Variants in DPP10 observed in about 807,000 individuals in gnomAD.
DPP10 encodes the protein inactive dipeptidyl peptidase 10.
A neutral mutation model predicts 120.9 loss-of-function variants in DPP10; 33 were observed. The ratio of observed to expected loss-of-function variants is 0.27; its 90% CI spans 0.21 to 0.37. The LOEUF (loss-of-function observed/expected upper bound fraction) is 0.37. Ranked by LOEUF, DPP10 falls within the 10% of genes least tolerant of loss-of-function variation. DPP10 has a pLI of 1.00. For synonymous variants in DPP10, 337 were observed against 326.1 expected (o/e 1.03, Z -0.36); for missense variants, 816 against 942.8 (o/e 0.87, Z 1.76).
chr2:115,735,280 T>C lies in DPP10; in HGVS notation c.698-4459T>C, dbSNP rs142829487. Among the ~76,000 whole-genome samples the C allele has an allele frequency of 1.2e-4, 18 of 152,316 alleles. No individual in the cohort carries two copies. The East Asian group carries it at 2.9e-3, about 24-fold the overall frequency. On this transcript the variant is annotated intron_variant, in intron 8 of 25. Transcript: ENST00000410059. ...TTGCAGGATGGTATTAGTCCTGTTA[T>C]ATATCTGAAATCTGTAAACATAGCC...
chr2:115,773,635 A>G lies in DPP10; in HGVS notation c.1222-3573A>G, dbSNP rs1394570220. Among the ~76,000 whole-genome samples, 3 of 152,112 alleles carry G rather than the reference A, an allele frequency of 2.0e-5. No individual in the cohort carries two copies. In the East Asian group the frequency reaches 5.8e-4, roughly 29 times the overall value. ...TTGCAGAGATTATGGATTCACAGAA[A>G]CAAAGAAATGTTATTGTAGAGAAAA... On this transcript the variant is annotated intron_variant, in intron 13 of 25. Coordinates refer to ENST00000410059, the MANE Select transcript of DPP10 (RefSeq NM_020868.6).
chr2:115,836,080 T>C, intron 21 of DPP10, 77 bp from the exon 22 acceptor site: 1 of 747,474 alleles, frequency 1.3e-6, no homozygotes. Context: ...AGTTGTTATA[T>C]ATAAATTTGT....
At chr2:114,596,228 C>T (rs1490539862) in intron 1 of DPP10, among the ~76,000 whole-genome samples, 1 of 151,970 alleles carries the variant, frequency 6.6e-6, no homozygotes, top group African/African-American at 2.4e-5. Flanking sequence ...TCATTGGGCC[C>T]ATTTACATGA....
At chr2:115,563,799 C>T (rs2080833289) in intron 5 of DPP10, among the ~76,000 whole-genome samples, 1 of 152,088 alleles carries the variant, frequency 6.6e-6, no homozygotes, top group Non-Finnish European at 1.5e-5. Context: ...AAATATCAAA[C>T]ACTTATATAG....
intron 1 of DPP10, chr2:114,461,844 C>CT (rs1434523441): frequency 1.0e-6 from 1 of 985,302 alleles, no homozygotes; most frequent in Non-Finnish European, 1.2e-6. Flanking sequence ...TATCTTCAAC[C>CT]TTTAGCTATA....
intron 1 of DPP10, among the ~76,000 whole-genome samples, chr2:114,461,226 T>C (rs557447946): frequency 6.6e-6 from 1 of 152,302 alleles, no homozygotes; most frequent in Admixed American, 6.5e-5. Context: ...GCAGGTGAGA[T>C]CTTGTGAAGT....
chr2:115,801,747 G>A (rs778632858), intron 19 of DPP10, among the ~76,000 whole-genome samples: 8 of 152,016 alleles, frequency 5.3e-5, no homozygotes, highest in South Asian at 2.1e-4. Flanking sequence ...ATTGATTTTC[G>A]TATGTTGAAC....
At chr2:114,635,010 A>G (rs1020728102) in intron 1 of DPP10, among the ~76,000 whole-genome samples, 2 of 151,966 alleles carry the variant, frequency 1.3e-5, no homozygotes, top group African/African-American at 4.9e-5. Flanking sequence ...TTTTCAAAAT[A>G]GAAGTTTCAA....
chr2:114,646,565 G>A (rs1030874441), intron 1 of DPP10, among the ~76,000 whole-genome samples: 1 of 152,120 alleles, frequency 6.6e-6, no homozygotes, highest in Non-Finnish European at 1.5e-5. Context: ...CTCTGTTCTC[G>A]AGATGACAGT....
At chr2:115,241,786 T>C (rs2058294099) in intron 1 of DPP10, among the ~76,000 whole-genome samples, 1 of 152,248 alleles carries the variant, frequency 6.6e-6, no homozygotes, top group Non-Finnish European at 1.5e-5. Context: ...CTTTGCTAAT[T>C]GTTTTACTTT....
At chr2:115,832,423 G>C (rs775359934) in intron 21 of DPP10, among the ~76,000 whole-genome samples, 9 of 152,346 alleles carry the variant, frequency 5.9e-5, no homozygotes, top group South Asian at 2.1e-4. Context: ...CTGGGAGGCA[G>C]CGGTTGCGAT....
In DPP10 at chr2:115,033,187, A is replaced by T. The variant is rs374921102; in HGVS notation, c.61-276052A>T. On this transcript the variant is annotated intron_variant, in intron 1 of 25. Transcript: ENST00000410059. ...TGGCAGACTTGACACTGAGGCCAAC[A>T]GAGGCTAAGTAATGACTTGGTTCAT... Among the ~76,000 whole-genome samples, 208 of 152,320 alleles carry T rather than the reference A, an allele frequency of 1.4e-3. 8 individuals are homozygous for T. In the South Asian group the frequency reaches 0.042, roughly 31 times the overall value.
chr2:114,563,669 C>T (rs1026616166), intron 1 of DPP10, among the ~76,000 whole-genome samples: 53 of 152,332 alleles, frequency 3.5e-4, no homozygotes, highest in African/African-American at 1.2e-3. Flanking sequence ...ACTCTTACTG[C>T]ATTGCTTCCT....
intron 3 of DPP10, among the ~76,000 whole-genome samples, chr2:115,447,034 A>G (rs145636734): frequency 2.0e-5 from 3 of 152,330 alleles, no homozygotes; most frequent in African/African-American, 2.4e-5. Flanking sequence ...ACTCAACACC[A>G]ACCCATGAGA....
intron 1 of DPP10, among the ~76,000 whole-genome samples, chr2:115,058,283 A>C (rs1706103900): frequency 3.9e-5 from 1 of 25,554 alleles, no homozygotes; most frequent in African/African-American, 1.5e-4. Flanking sequence ...GGACAAAAAA[A>C]AAAAAAAAAA....
chr2:115,091,257 C>T (rs1305162124), intron 1 of DPP10, among the ~76,000 whole-genome samples: 1 of 152,210 alleles, frequency 6.6e-6, no homozygotes. Context: ...TTGTCTGGCT[C>T]CCTTCATCCC....
At chr2:114,457,594 T>C (rs1434898353) in intron 1 of DPP10, among the ~76,000 whole-genome samples, 1 of 152,144 alleles carries the variant, frequency 6.6e-6, no homozygotes, top group Non-Finnish European at 1.5e-5. Context: ...GCAGCATTTG[T>C]CAATCAGGAT....
intron 1 of DPP10, among the ~76,000 whole-genome samples, chr2:114,460,503 G>GA (rs954675450): frequency 6.6e-6 from 1 of 151,940 alleles, no homozygotes; most frequent in African/African-American, 2.4e-5. Flanking sequence ...CTGGGTGATT[G>GA]AAAAAAACTA....
intron 1 of DPP10, among the ~76,000 whole-genome samples, chr2:115,071,624 A>G (rs1045605948): frequency 6.6e-6 from 1 of 151,966 alleles, no homozygotes; most frequent in Admixed American, 6.6e-5. Context: ...CTAGGGAGGA[A>G]CTCAGAAGTG....
Sources: gnomAD v4.1 joint callset for allele counts (sites outside exome capture counted in the v4.1 genomes callset) on GRCh38, gnomAD v4.1.1 for gene constraint, MANE v1.5 for transcripts, NCBI Gene and HGNC (gene_info 2026-07-23, HGNC 2026-07-21) for gene names.